PIR: variants seen among roughly 807,000 people sequenced by gnomAD.
PIR encodes pirin (iron-binding nuclear protein).
In PIR, 22 loss-of-function variants were observed where a neutral mutation model predicts 24.2. That is an observed-to-expected ratio of 0.91 (90% CI 0.65 to 1.30). The LOEUF (loss-of-function observed/expected upper bound fraction) is 1.30, where lower values mean the gene tolerates loss of function less well. PIR is among the 50% of genes most tolerant of loss of function. The pLI is 0.00. For synonymous variants in PIR, 80 were observed against 79.6 expected (o/e 1.00, Z -0.03); for missense variants, 220 against 220.3 (o/e 1.00, Z 0.01).
chrX:15,433,366 CAAAG>C (rs1399183483), intron 5 of PIR, among the ~76,000 whole-genome samples: 1 of 107,652 alleles, frequency 9.3e-6, no homozygotes, highest in East Asian at 2.9e-4. Flanking sequence ...TCTCAGAAAC[CAAAG>C]AAAGAGAGGC....
chrX:15,400,236 G>C (rs1258170520), intron 7 of PIR, among the ~76,000 whole-genome samples: 1 of 111,497 alleles, frequency 9.0e-6, no homozygotes, highest in African/African-American at 3.3e-5. Context: ...GAGAGGTCTG[G>C]GAGTTTAAAA....
chrX:15,445,949 C>T (rs1055840306), intron 5 of PIR, among the ~76,000 whole-genome samples: 9 of 104,927 alleles, frequency 8.6e-5, no homozygotes, highest in Non-Finnish European at 1.8e-4. Flanking sequence ...CCTGCCTCAG[C>T]CTCCCGAGTA....
intron 5 of PIR, among the ~76,000 whole-genome samples, chrX:15,428,985 A>G (rs1925412995): frequency 1.8e-5 from 2 of 111,882 alleles, no homozygotes; most frequent in African/African-American, 6.5e-5. Context: ...TTCTCTTCCA[A>G]TTTCTCAGAC....
At chrX:15,479,628 T>C in intron 3 of PIR, 101 bp downstream of exon 3, 1 of 375,461 alleles carries the variant, frequency 2.7e-6, no homozygotes, top group South Asian at 7.9e-5. Flanking sequence ...TATAAATGAA[T>C]TTTTAGCCTA....
chrX:15,411,033 C>G (rs755918308), intron 6 of PIR, among the ~76,000 whole-genome samples: 8 of 111,844 alleles, frequency 7.2e-5, no homozygotes, highest in Non-Finnish European at 1.3e-4. Context: ...TCCCTCACCT[C>G]TCCTCCCACT....
intron 8 of PIR, among the ~76,000 whole-genome samples, chrX:15,391,107 T>C (rs1602239474): frequency 8.9e-6 from 1 of 112,166 alleles, no homozygotes; most frequent in African/African-American, 3.2e-5. Context: ...TAAATAATTA[T>C]ATGTTTATAA....
chrX:15,418,423 C>A (rs1354063471), intron 6 of PIR, among the ~76,000 whole-genome samples: 1 of 112,247 alleles, frequency 8.9e-6, no homozygotes, highest in Non-Finnish European at 1.9e-5. Flanking sequence ...GATTGCCTTG[C>A]GCCTTGCAAG....
At chrX:15,400,243 A>T (rs1444826964) in intron 7 of PIR, among the ~76,000 whole-genome samples, 4 of 112,089 alleles carry the variant, frequency 3.6e-5, no homozygotes, top group African/African-American at 6.5e-5. Flanking sequence ...CTGGGAGTTT[A>T]AAAAAATCTC....
In PIR at chrX:15,424,485, T is replaced by A. The variant is rs576756061; in HGVS notation, c.565+1421A>T. Among the ~76,000 whole-genome samples the A allele has an allele frequency of 2.3e-4, 26 of 112,045 alleles. 1 individual carries two copies. In the South Asian group the frequency reaches 9.7e-3, roughly 42 times the overall value. ...AGAAGAAATAAGATCTGGTGTTTGA[T>A]AGATCAGTAGGACGACTATTGTTTA... On this transcript the variant is annotated intron_variant, in intron 6 of 9. Coordinates refer to ENST00000380420, the MANE Select transcript of PIR (RefSeq NM_001018109.3).
intron 6 of PIR, among the ~76,000 whole-genome samples, chrX:15,413,210 T>C (rs1452243313): frequency 9.0e-6 from 1 of 111,704 alleles, no homozygotes; most frequent in Non-Finnish European, 1.9e-5. Flanking sequence ...CCTTCAAATC[T>C]GTGCATGTGG....
At chrX:15,420,422 A>G (rs1422583757) in intron 6 of PIR, among the ~76,000 whole-genome samples, 1 of 111,637 alleles carries the variant, frequency 9.0e-6, no homozygotes, top group East Asian at 2.8e-4. Context: ...GGTATTCTAT[A>G]TGCTGCTAAT....
intron 3 of PIR, among the ~76,000 whole-genome samples, chrX:15,470,785 T>C (rs898284055): frequency 3.6e-5 from 4 of 109,991 alleles, no homozygotes; most frequent in Admixed American, 2.9e-4. Context: ...GTATTTTCAG[T>C]AGAGACGGGG....
At chrX:15,454,826 C>G (rs1921021175) in intron 5 of PIR, among the ~76,000 whole-genome samples, 2 of 111,975 alleles carry the variant, frequency 1.8e-5, no homozygotes, top group Non-Finnish European at 3.8e-5. Flanking sequence ...TTAACCATTT[C>G]TGTGCCTCCA....
intron 7 of PIR, among the ~76,000 whole-genome samples, chrX:15,402,092 T>C (rs766483539): frequency 1.3e-4 from 15 of 111,767 alleles, no homozygotes; most frequent in Non-Finnish European, 2.6e-4. Context: ...GGCAGGAGGA[T>C]TGCTTGAGCC....
chrX:15,440,017 T>C (rs973103553), intron 5 of PIR, among the ~76,000 whole-genome samples: 3 of 111,486 alleles, frequency 2.7e-5, no homozygotes, highest in Non-Finnish European at 5.7e-5. Context: ...TCTCTGGCCC[T>C]GGGTTCATGG....
chrX:15,483,962 G>T lies in PIR; in HGVS notation c.97-4141C>A, dbSNP rs111326512. On this transcript the variant is annotated intron_variant, in intron 2 of 9. Transcript: ENST00000380420. The stretch of plus-strand genomic sequence containing the variant: ...AAAATATGGGTAAAGACAAGATAAA[G>T]AAATACTTATTGTTTCTTTGTATCG... Among the ~76,000 whole-genome samples, 591 of 112,398 alleles carry T rather than the reference G, an allele frequency of 5.3e-3. 4 individuals carry two copies. Among genetic ancestry groups the T allele is most frequent in the African/African-American group, 0.018 (549 of 30,898 alleles).
At chrX:15,418,568 C>T (rs1925004259) in intron 6 of PIR, among the ~76,000 whole-genome samples, 1 of 112,142 alleles carries the variant, frequency 8.9e-6, no homozygotes, top group South Asian at 3.7e-4. Context: ...GTAAGTGATG[C>T]ACCGTCCAGC....
chrX:15,465,411 A>T (rs959177994), intron 3 of PIR, among the ~76,000 whole-genome samples: 3 of 111,880 alleles, frequency 2.7e-5, no homozygotes, highest in African/African-American at 9.8e-5. Flanking sequence ...AGGATTTTTT[A>T]AAAAACTGAA....
rs548449189 is a variant in PIR, at chrX:15,409,137, T to C, written c.566-1587A>G. 5.9e-3 allele frequency among the ~76,000 whole-genome samples: 587 copies of C among 99,832 alleles called. 3 individuals carry two copies. The highest frequency in any genetic ancestry group is 0.047 in the Middle Eastern group (9 of 192). The allele number at this position is 99,832 out of a possible 115,157, so 86.7% of individuals were successfully genotyped here. On this transcript the variant is annotated intron_variant, in intron 6 of 9. Coordinates refer to ENST00000380420, the MANE Select transcript of PIR (RefSeq NM_001018109.3). ...TTTTTGAGACGGAGTCTCACTCTGT[T>C]GCCCAGGCTGGAGTGCAGTGGTGCG...
Sources: allele counts gnomAD v4.1 joint callset (sites outside exome capture counted in the v4.1 genomes callset), GRCh38; gene constraint gnomAD v4.1.1; transcripts MANE v1.5; gene names NCBI Gene and HGNC (gene_info 2026-07-23, HGNC 2026-07-21).